Variants in HMG20A observed in about 807,000 individuals in gnomAD.
HMG20A encodes the protein high mobility group 20A, also known as high mobility group protein 20A.
A neutral mutation model predicts 43.9 loss-of-function variants in HMG20A; 17 were observed. The ratio of observed to expected loss-of-function variants is 0.39; its 90% CI spans 0.27 to 0.58. The LOEUF is 0.58. Among genes scored for constraint, HMG20A ranks in the 20% least tolerant of loss-of-function variants. The pLI, the probability that HMG20A is intolerant of heterozygous loss-of-function variation, is 0.59. For synonymous variants in HMG20A, 132 were observed against 147.5 expected (o/e 0.89, Z 0.76); for missense variants, 341 against 438.2 (o/e 0.78, Z 1.98).
chr15:77,435,931 C>T, intron 1 of HMG20A, among the ~76,000 whole-genome samples: 1 of 151,746 alleles, frequency 6.6e-6, no homozygotes, highest in South Asian at 2.1e-4. Context: ...CTGTTGAGTT[C>T]CTCAGAACAC....
At chr15:77,459,462 T>C (rs992206991) in intron 2 of HMG20A, among the ~76,000 whole-genome samples, 1 of 152,116 alleles carries the variant, frequency 6.6e-6, no homozygotes, top group African/African-American at 2.4e-5. Context: ...ACATATACTA[T>C]GTTGATAAGA....
rs191693515 is a variant in HMG20A, at chr15:77,423,981, A to G, written c.-5+2977A>G. On this transcript the variant is annotated intron_variant, in intron 1 of 9. Coordinates refer to ENST00000336216, the MANE Select transcript of HMG20A (RefSeq NM_001304504.2). ...AGCAAAAGTTTAGAGTGTCTACTAT[A>G]TGCCAGTCACTGTTCTCAGGACTTT... Among the ~76,000 whole-genome samples the G allele has an allele frequency of 3.0e-4, 46 of 152,320 alleles. 1 individual carries two copies. The highest frequency in any genetic ancestry group is 9.9e-4 in the African/African-American group (41 of 41,558).
intron 1 of HMG20A, among the ~76,000 whole-genome samples, chr15:77,449,263 C>T (rs7179544): frequency 3.9e-4 from 60 of 152,010 alleles, no homozygotes; most frequent in African/African-American, 1.4e-3. Flanking sequence ...AACCTAAGTA[C>T]TTAATTACTC....
chr15:77,437,519 T>G (rs1197949322), intron 1 of HMG20A, among the ~76,000 whole-genome samples: 2 of 152,190 alleles, frequency 1.3e-5, no homozygotes, highest in Non-Finnish European at 2.9e-5. Context: ...GTGTGCAGAT[T>G]TTATTTAAGC....
the HMG20A span, among the ~76,000 whole-genome samples, chr15:77,510,090 C>G: frequency 6.6e-6 from 1 of 152,154 alleles, no homozygotes; most frequent in Non-Finnish European, 1.5e-5. Flanking sequence ...TAGCCCCCCA[C>G]AGGGGCATCT....
the HMG20A span, among the ~76,000 whole-genome samples, chr15:77,496,394 A>G: frequency 6.6e-6 from 1 of 152,242 alleles, no homozygotes; most frequent in Non-Finnish European, 1.5e-5. Flanking sequence ...AAGCAGCCTC[A>G]GAACAGCAAC....
intron 5 of HMG20A, among the ~76,000 whole-genome samples, chr15:77,471,291 G>T (rs909502848): frequency 2.6e-5 from 4 of 151,644 alleles, no homozygotes; most frequent in African/African-American, 9.7e-5. Flanking sequence ...TTAGTTGCCT[G>T]CCCTTCTTTT....
chr15:77,430,422 G>A (rs1392560742), intron 1 of HMG20A, among the ~76,000 whole-genome samples: 4 of 152,172 alleles, frequency 2.6e-5, no homozygotes, highest in African/African-American at 9.7e-5. Flanking sequence ...GAATTAAAAA[G>A]AAAAGTGAAG....
In HMG20A at chr15:77,484,045, C is replaced by T. The variant is rs1290539360; in HGVS notation, c.*1082C>T. 6.6e-6 allele frequency: 1 copy of T among 152,154 alleles called. No individual in the cohort carries two copies. Among genetic ancestry groups the T allele is most frequent in the Non-Finnish European group, 1.5e-5 (1 of 68,034 alleles). 9.4% of individuals were successfully genotyped at this position (152,154 alleles called of 1,614,324 possible). On this transcript the variant is annotated 3_prime_UTR_variant, in exon 10 of 10. Coordinates refer to ENST00000336216, the MANE Select transcript of HMG20A (RefSeq NM_001304504.2). ...ATCCATGTGAGGAAGACAGGCTTCCCTTCCTTCCCCCTCCTTAGTGATTTT... is the reference window on the plus strand; with the variant it reads ...ATCCATGTGAGGAAGACAGGCTTCCTTTCCTTCCCCCTCCTTAGTGATTTT...
the HMG20A span, among the ~76,000 whole-genome samples, chr15:77,498,954 C>T: frequency 6.6e-6 from 1 of 152,152 alleles, no homozygotes; most frequent in African/African-American, 2.4e-5. Flanking sequence ...TTCCTTCCAC[C>T]TTTATTGGCT....
rs899255816 is a variant in HMG20A at position 77,440,971 on chromosome 15, G to A, written c.-4-17433G>A. Among the ~76,000 whole-genome samples the A allele has an allele frequency of 2.0e-5, 3 of 152,074 alleles. No individual in the cohort carries two copies. The East Asian group carries it at 5.8e-4, about 29-fold the overall frequency. On this transcript the variant is annotated intron_variant, in intron 1 of 9. Coordinates refer to ENST00000336216, the MANE Select transcript of HMG20A (RefSeq NM_001304504.2). ...GTGTGGATTAAGTGGTATCATACACGTATAGCTCTTAAAATAGTGCCTGGT... is the reference window on the plus strand; with the variant it reads ...GTGTGGATTAAGTGGTATCATACACATATAGCTCTTAAAATAGTGCCTGGT...
At chr15:77,506,242 C>T in the HMG20A span, among the ~76,000 whole-genome samples, 1 of 152,086 alleles carries the variant, frequency 6.6e-6, no homozygotes, top group African/African-American at 2.4e-5. Flanking sequence ...CCATATCCCA[C>T]CCCGATCCCA....
chr15:77,449,034 G>T (rs1037948098), intron 1 of HMG20A, among the ~76,000 whole-genome samples: 1 of 152,064 alleles, frequency 6.6e-6, no homozygotes, highest in Non-Finnish European at 1.5e-5. Flanking sequence ...GGGCAACAGA[G>T]TGAGGCTCGT....
intron 1 of HMG20A, among the ~76,000 whole-genome samples, chr15:77,448,724 T>C (rs1377491300): frequency 6.6e-6 from 1 of 152,108 alleles, no homozygotes; most frequent in African/African-American, 2.4e-5. Context: ...GTAGATAATA[T>C]TTGTTGAATG....
chr15:77,495,022 C>G, the HMG20A span, among the ~76,000 whole-genome samples: 1 of 152,200 alleles, frequency 6.6e-6, no homozygotes, highest in East Asian at 1.9e-4. Context: ...TGACCTTCAG[C>G]ATCGAATCTG....
intron 4 of HMG20A, among the ~76,000 whole-genome samples, chr15:77,468,375 GTGTT>G (rs1200619845): frequency 3.3e-5 from 5 of 151,946 alleles, no homozygotes; most frequent in Admixed American, 2.0e-4. Context: ...CAAAGGTTTT[GTGTT>G]TGTTTTTGTT....
intron 1 of HMG20A, among the ~76,000 whole-genome samples, chr15:77,435,464 A>G (rs577102941): frequency 5.3e-5 from 8 of 151,506 alleles, no homozygotes; most frequent in African/African-American, 1.7e-4. Flanking sequence ...CTTTTATTGT[A>G]TTTTTTTTAA....
the HMG20A span, among the ~76,000 whole-genome samples, chr15:77,511,296 C>T: frequency 1.3e-5 from 2 of 152,156 alleles, no homozygotes; most frequent in Non-Finnish European, 2.9e-5. Flanking sequence ...CACAAATACA[C>T]ACACACATTC....
At chr15:77,476,615 A>G (rs2072859448) in intron 6 of HMG20A, among the ~76,000 whole-genome samples, 1 of 152,004 alleles carries the variant, frequency 6.6e-6, no homozygotes, top group Non-Finnish European at 1.5e-5. Flanking sequence ...TTCATGTTAT[A>G]AAGGTCCTGG....
Sources: gnomAD v4.1 joint callset for allele counts (sites outside exome capture counted in the v4.1 genomes callset) on GRCh38, gnomAD v4.1.1 for gene constraint, MANE v1.5 for transcripts, NCBI Gene and HGNC (gene_info 2026-07-23, HGNC 2026-07-21) for gene names.